TUNAR: variants seen among roughly 807,000 people sequenced by gnomAD.
TUNAR encodes the protein transmembrane neural differentiation associated intracellular calcium regulator, also known as protein TUNAR.
intron 2 of TUNAR, among the ~76,000 whole-genome samples, chr14:95,903,732 G>A (rs1316377748): frequency 1.3e-5 from 2 of 152,230 alleles, no homozygotes; most frequent in Admixed American, 6.5e-5. Context: ...ACTGGACTCA[G>A]CTGGTGGTTC....
At chr14:95,915,497 C>G (rs1462617581) in intron 2 of TUNAR, among the ~76,000 whole-genome samples, 1 of 152,208 alleles carries the variant, frequency 6.6e-6, no homozygotes, top group African/African-American at 2.4e-5. Flanking sequence ...AGGATCCAGA[C>G]CCATCCCCAT....
At chr14:95,898,058 C>T (rs946543255) in intron 2 of TUNAR, among the ~76,000 whole-genome samples, 3 of 152,116 alleles carry the variant, frequency 2.0e-5, no homozygotes, top group Non-Finnish European at 2.9e-5. Context: ...TTGGGCTCAC[C>T]GTCATTGCTT....
intron 2 of TUNAR, among the ~76,000 whole-genome samples, chr14:95,896,433 C>T (rs1004856925): frequency 1.7e-4 from 26 of 152,188 alleles, no homozygotes; most frequent in African/African-American, 5.8e-4. Context: ...AGGCTCACTG[C>T]AGCCCCACCT....
intron 2 of TUNAR, among the ~76,000 whole-genome samples, chr14:95,884,714 G>T (rs1377947488): frequency 6.6e-6 from 1 of 152,098 alleles, no homozygotes; most frequent in Non-Finnish European, 1.5e-5. Flanking sequence ...TTGATCCCAG[G>T]GCCCTGTCAT....
chr14:95,916,048 A>G (rs1020697116), intron 2 of TUNAR, among the ~76,000 whole-genome samples: 3 of 152,202 alleles, frequency 2.0e-5, no homozygotes, highest in African/African-American at 7.2e-5. Flanking sequence ...TAATATCAGT[A>G]TTGTTTTATT....
At chr14:95,878,823 A>C in intron 2 of TUNAR, among the ~76,000 whole-genome samples, 1 of 152,212 alleles carries the variant, frequency 6.6e-6, no homozygotes, top group Non-Finnish European at 1.5e-5. Context: ...AGGAGAGATG[A>C]CATTAGCTCC....
At chr14:95,909,359 C>T (rs1889476249) in intron 2 of TUNAR, among the ~76,000 whole-genome samples, 2 of 149,784 alleles carry the variant, frequency 1.3e-5, no homozygotes, top group Non-Finnish European at 3.0e-5. Flanking sequence ...TCTCGGCTCA[C>T]TACAACCTCC....
intron 2 of TUNAR, among the ~76,000 whole-genome samples, chr14:95,913,101 T>C (rs61290628): frequency 0.049 from 7,173 of 145,120 alleles, 566 homozygotes; most frequent in African/African-American, 0.18. Flanking sequence ...GGGCATCTTT[T>C]TTTTTTTACC....
chr14:95,921,974 G>A (rs1889704747), intron 2 of TUNAR, among the ~76,000 whole-genome samples: 1 of 152,034 alleles, frequency 6.6e-6, no homozygotes, highest in African/African-American at 2.4e-5. Context: ...ATGTTCATCT[G>A]CTCTCCTCTC....
chr14:95,881,544 G>GA (rs1840208774), intron 2 of TUNAR, among the ~76,000 whole-genome samples: 1 of 152,222 alleles, frequency 6.6e-6, no homozygotes, highest in Non-Finnish European at 1.5e-5. Flanking sequence ...CAACAGACTA[G>GA]AGAAGGTATT....
At chr14:95,890,196 T>G (rs1483745811) in intron 2 of TUNAR, among the ~76,000 whole-genome samples, 1 of 152,142 alleles carries the variant, frequency 6.6e-6, no homozygotes, top group Non-Finnish European at 1.5e-5. Flanking sequence ...AAGCAAGAAG[T>G]GTAGTCTGGC....
chr14:95,914,570 T>G (rs1397112149), intron 2 of TUNAR, among the ~76,000 whole-genome samples: 1 of 152,170 alleles, frequency 6.6e-6, no homozygotes, highest in Non-Finnish European at 1.5e-5. Flanking sequence ...GAAGGGATCA[T>G]GATTAGGAGT....
At chr14:95,912,490 A>C (rs1889529504) in intron 2 of TUNAR, among the ~76,000 whole-genome samples, 1 of 152,242 alleles carries the variant, frequency 6.6e-6, no homozygotes, top group South Asian at 2.1e-4. Flanking sequence ...AGAACTAGAT[A>C]ACAGTTTTCT....
chr14:95,893,689 T>G (rs1889215081), intron 2 of TUNAR, among the ~76,000 whole-genome samples: 1 of 152,180 alleles, frequency 6.6e-6, no homozygotes, highest in South Asian at 2.1e-4. Context: ...GCTGGAGTTC[T>G]CAACCCAGCT....
At chr14:95,909,484 C>T (rs938761863) in intron 2 of TUNAR, among the ~76,000 whole-genome samples, 1 of 152,030 alleles carries the variant, frequency 6.6e-6, no homozygotes, top group Non-Finnish European at 1.5e-5. Context: ...GGGGTTTCAC[C>T]GTGTTAACCA....
At chr14:95,886,193 G>A (rs1731097851) in intron 2 of TUNAR, among the ~76,000 whole-genome samples, 1 of 152,228 alleles carries the variant, frequency 6.6e-6, no homozygotes, top group Admixed American at 6.5e-5. Context: ...AGAATCCAGG[G>A]CACACATTTG....
rs1427055187 is a variant in TUNAR, at chr14:95,894,802, A to T, written c.12+17625A>T. 7.2e-5 allele frequency among the ~76,000 whole-genome samples: 11 copies of T among 152,350 alleles called. No individual in the cohort carries two copies. In the East Asian group the frequency reaches 1.9e-3, roughly 27 times the overall value. On this transcript the variant is annotated intron_variant, in intron 2 of 2. Transcript: ENST00000678517. ...AAGGACTCTTTTAAGCAAGGGTCAG[A>T]TGGGATTGGGATGACGCACAGGGAA...
At chr14:95,905,686 A>G (rs1274813163) in intron 2 of TUNAR, among the ~76,000 whole-genome samples, 2 of 152,220 alleles carry the variant, frequency 1.3e-5, no homozygotes, top group Non-Finnish European at 2.9e-5. Context: ...CTTTGAGACC[A>G]TGTGAATCTC....
intron 2 of TUNAR, among the ~76,000 whole-genome samples, chr14:95,884,848 A>G (rs1372219043): frequency 6.6e-6 from 1 of 151,570 alleles, no homozygotes; most frequent in African/African-American, 2.4e-5. Flanking sequence ...AGATGAAACA[A>G]TGTGGTCTGG....
Sources: gnomAD v4.1 joint callset for allele counts (sites outside exome capture counted in the v4.1 genomes callset) on GRCh38, gnomAD v4.1.1 for gene constraint, MANE v1.5 for transcripts, NCBI Gene and HGNC (gene_info 2026-07-23, HGNC 2026-07-21) for gene names.